NKAIN3: variants seen among roughly 807,000 people sequenced by gnomAD.
NKAIN3 encodes the protein sodium/potassium transporting ATPase interacting 3, also known as sodium/potassium-transporting ATPase subunit beta-1-interacting protein 3.
In NKAIN3, 25 loss-of-function variants were observed where a neutral mutation model predicts 30.2. The observed-to-expected ratio is 0.83, with a 90% CI of 0.60 to 1.16. The LOEUF (loss-of-function observed/expected upper bound fraction) is 1.16. Ranked by LOEUF, NKAIN3 falls within the 50% of genes most tolerant of loss-of-function variation. The pLI, the probability that NKAIN3 is intolerant of heterozygous loss-of-function variation, is 0.00. For synonymous variants in NKAIN3, 91 were observed against 89.6 expected, an observed-to-expected ratio of 1.02 and a Z score of -0.09; for missense variants, 225 against 254.1, an observed-to-expected ratio of 0.89 and a Z score of 0.78.
chr8:62,961,644 A>G (rs1823573970), intron 6 of NKAIN3, among the ~76,000 whole-genome samples: 2 of 152,198 alleles, frequency 1.3e-5, no homozygotes, highest in Non-Finnish European at 2.9e-5. Flanking sequence ...ATAACCAAAA[A>G]ATAAAACACC....
At chr8:62,649,740 T>A (rs1812569834) in intron 3 of NKAIN3, among the ~76,000 whole-genome samples, 1 of 152,044 alleles carries the variant, frequency 6.6e-6, no homozygotes, top group African/African-American at 2.4e-5. Flanking sequence ...ATGTTTAGAG[T>A]GCTCCTGGGA....
intron 4 of NKAIN3, among the ~76,000 whole-genome samples, chr8:62,835,898 C>T (rs1387512470): frequency 6.6e-6 from 1 of 152,100 alleles, no homozygotes; most frequent in African/African-American, 2.4e-5. Context: ...ATGTTCATTG[C>T]AGTGCTATTC....
intron 1 of NKAIN3, among the ~76,000 whole-genome samples, chr8:62,336,962 G>A (rs567305707): frequency 4.9e-4 from 75 of 152,190 alleles, no homozygotes; most frequent in African/African-American, 1.7e-3. Context: ...CTAGTACCTG[G>A]TCTAGAGAAC....
chr8:62,760,863 A>C (rs1816635737), intron 4 of NKAIN3, among the ~76,000 whole-genome samples: 1 of 152,140 alleles, frequency 6.6e-6, no homozygotes, highest in Non-Finnish European at 1.5e-5. Flanking sequence ...AATTTAAGGA[A>C]GAGAGTCAAA....
intron 1 of NKAIN3, among the ~76,000 whole-genome samples, chr8:62,399,271 C>T (rs1367464880): frequency 6.6e-5 from 10 of 152,016 alleles, no homozygotes; most frequent in Admixed American, 5.9e-4. Context: ...TTCGGGAGGC[C>T]GAGGCGGGTA....
chr8:62,857,862 C>A (rs1820108585), intron 4 of NKAIN3, among the ~76,000 whole-genome samples: 1 of 152,138 alleles, frequency 6.6e-6, no homozygotes, highest in Non-Finnish European at 1.5e-5. Context: ...TCAGCCTTAG[C>A]CCTGTTTTAA....
At chr8:62,330,880 G>A (rs549828154) in intron 1 of NKAIN3, among the ~76,000 whole-genome samples, 5 of 151,988 alleles carry the variant, frequency 3.3e-5, no homozygotes, top group Admixed American at 3.3e-4. Flanking sequence ...TCATATGAGT[G>A]TTCACCCACC....
chr8:62,348,647 C>T (rs1232461030), intron 1 of NKAIN3, among the ~76,000 whole-genome samples: 11 of 152,240 alleles, frequency 7.2e-5, no homozygotes, highest in Non-Finnish European at 1.5e-4. Flanking sequence ...CAGTTCTCAT[C>T]TGGAGTAATT....
chr8:62,276,908 G>A (rs1224217071), intron 1 of NKAIN3, among the ~76,000 whole-genome samples: 1 of 151,994 alleles, frequency 6.6e-6, no homozygotes, highest in Non-Finnish European at 1.5e-5. Flanking sequence ...TAAAATGCAT[G>A]TTTTAATTTT....
At chr8:62,667,612 C>G (rs1201309516) in intron 3 of NKAIN3, among the ~76,000 whole-genome samples, 2 of 151,924 alleles carry the variant, frequency 1.3e-5, no homozygotes, top group Non-Finnish European at 2.9e-5. Context: ...TCTAAGCCAT[C>G]CTCATTACTC....
intron 1 of NKAIN3, among the ~76,000 whole-genome samples, chr8:62,394,980 G>A (rs1278107437): frequency 7.0e-6 from 1 of 143,884 alleles, no homozygotes; most frequent in Non-Finnish European, 1.5e-5. Flanking sequence ...TTCCCAGACG[G>A]GTCGGCGGCC....
intron 1 of NKAIN3, among the ~76,000 whole-genome samples, chr8:62,493,326 A>G (rs192184610): frequency 6.6e-5 from 10 of 152,144 alleles, no homozygotes; most frequent in African/African-American, 1.4e-4. Flanking sequence ...CAAAAATCAG[A>G]TGGTTCTAGG....
chr8:62,868,785 T>C (rs1264655161), intron 4 of NKAIN3, among the ~76,000 whole-genome samples: 1 of 152,200 alleles, frequency 6.6e-6, no homozygotes, highest in Non-Finnish European at 1.5e-5. Context: ...CTGGAAGGGC[T>C]GTCATCGGAG....
chr8:62,677,750 C>T (rs1471704479), intron 3 of NKAIN3, among the ~76,000 whole-genome samples: 1 of 152,200 alleles, frequency 6.6e-6, no homozygotes, highest in Non-Finnish European at 1.5e-5. Flanking sequence ...AATCCTCTCA[C>T]TTCCGCTCTT....
chr8:62,639,798 G>T (rs914726529), intron 3 of NKAIN3, among the ~76,000 whole-genome samples: 2 of 151,858 alleles, frequency 1.3e-5, no homozygotes, highest in East Asian at 1.9e-4. Context: ...AAGTGAAGTG[G>T]TTTTTTTCTG....
chr8:62,825,603 T>C (rs922354639), intron 4 of NKAIN3, among the ~76,000 whole-genome samples: 4 of 152,060 alleles, frequency 2.6e-5, no homozygotes, highest in African/African-American at 9.7e-5. Flanking sequence ...AGCGAAACAA[T>C]GGTCCCTAAA....
intron 1 of NKAIN3, among the ~76,000 whole-genome samples, chr8:62,524,358 T>A (rs1241871565): frequency 2.0e-5 from 3 of 152,124 alleles, no homozygotes; most frequent in Non-Finnish European, 4.4e-5. Flanking sequence ...TCCAAAGTTT[T>A]CCACTACAGA....
At chr8:62,790,799 C>T (rs944452534) in intron 4 of NKAIN3, among the ~76,000 whole-genome samples, 1 of 152,032 alleles carries the variant, frequency 6.6e-6, no homozygotes, top group Non-Finnish European at 1.5e-5. Flanking sequence ...AAGTGCTACT[C>T]ACAGTGATGG....
chr8:62,765,597 C>A (rs1219882102), intron 4 of NKAIN3, among the ~76,000 whole-genome samples: 1 of 152,160 alleles, frequency 6.6e-6, no homozygotes, highest in Non-Finnish European at 1.5e-5. Flanking sequence ...GATGAGTCAA[C>A]AATAATCCAA....
Sources: allele counts gnomAD v4.1 joint callset (sites outside exome capture counted in the v4.1 genomes callset), GRCh38; gene constraint gnomAD v4.1.1; transcripts MANE v1.5; gene names NCBI Gene and HGNC (gene_info 2026-07-23, HGNC 2026-07-21).